The following MYO1D variants were observed in gnomAD, a reference collection of about 807,000 sequenced individuals.
MYO1D encodes the protein unconventional myosin-Id.
A neutral mutation model predicts 122.0 loss-of-function variants in MYO1D; 83 were observed. The ratio of observed to expected loss-of-function variants is 0.68; its 90% CI spans 0.57 to 0.82. The LOEUF is 0.82. Among genes scored for constraint, MYO1D ranks in the 40% least tolerant of loss-of-function variants. MYO1D has a pLI of 0.00. For synonymous variants in MYO1D, 464 were observed against 446.9 expected, an observed-to-expected ratio of 1.04 and a Z score of -0.48; for missense variants, 1,157 against 1,269.5, an observed-to-expected ratio of 0.91 and a Z score of 1.35.
At chr17:32,605,381 G>A in intron 20 of MYO1D, 140 bp from the exon 21 acceptor site, 1 of 683,382 alleles carries the variant, frequency 1.5e-6, no homozygotes, top group South Asian at 3.9e-5. Context: ...GATCATTTGA[G>A]CCCTGGAGTT....
intron 1 of MYO1D, among the ~76,000 whole-genome samples, chr17:32,821,514 G>C (rs2090664031): frequency 6.7e-6 from 1 of 149,974 alleles, no homozygotes; most frequent in Non-Finnish European, 1.5e-5. Context: ...GCCAACCTTT[G>C]TCAGCTGAAG....
intron 1 of MYO1D, among the ~76,000 whole-genome samples, chr17:32,834,882 C>T (rs1266181735): frequency 2.6e-5 from 4 of 152,060 alleles, no homozygotes; most frequent in Non-Finnish European, 4.4e-5. Flanking sequence ...CATGGTGGTG[C>T]GCCCCTGTAG....
intron 3 of MYO1D, 99 bp from the exon 4 acceptor site, chr17:32,776,128 A>C: frequency 9.8e-7 from 1 of 1,024,882 alleles, no homozygotes; most frequent in Non-Finnish European, 1.4e-6. Flanking sequence ...ATTTATACAA[A>C]GATGCTAACT....
intron 19 of MYO1D, among the ~76,000 whole-genome samples, chr17:32,646,711 G>A (rs955854278): frequency 2.0e-5 from 3 of 152,012 alleles, no homozygotes; most frequent in East Asian, 1.9e-4. Context: ...AAAATATTAC[G>A]TTTTTATATG....
intron 21 of MYO1D, among the ~76,000 whole-genome samples, chr17:32,571,755 C>A (rs1288653905): frequency 6.6e-6 from 1 of 152,182 alleles, no homozygotes; most frequent in African/African-American, 2.4e-5. Flanking sequence ...TTCCTTTTCA[C>A]ATCCAGAAAA....
At chr17:32,593,224 T>C (rs1054121483) in intron 21 of MYO1D, among the ~76,000 whole-genome samples, 1 of 152,230 alleles carries the variant, frequency 6.6e-6, no homozygotes, top group Non-Finnish European at 1.5e-5. Context: ...AAAGGAGATA[T>C]AGAGTTATTT....
At chr17:32,828,230 C>G (rs904357698) in intron 1 of MYO1D, among the ~76,000 whole-genome samples, 9 of 152,052 alleles carry the variant, frequency 5.9e-5, no homozygotes, top group African/African-American at 2.2e-4. Flanking sequence ...AGAAAGAAGA[C>G]AGGAGGCCGG....
At chr17:32,768,387 A>AG in intron 6 of MYO1D, among the ~76,000 whole-genome samples, 1 of 152,248 alleles carries the variant, frequency 6.6e-6, no homozygotes, top group East Asian at 1.9e-4. Flanking sequence ...CTGCCCTTTT[A>AG]GAGCTGTGGC....
intron 1 of MYO1D, among the ~76,000 whole-genome samples, chr17:32,807,674 T>C (rs2090528933): frequency 6.6e-6 from 1 of 152,174 alleles, no homozygotes; most frequent in Non-Finnish European, 1.5e-5. Flanking sequence ...GGTGTGCACA[T>C]GCTTTGGTGA....
At chr17:32,823,846 T>A (rs2090696961) in intron 1 of MYO1D, among the ~76,000 whole-genome samples, 1 of 151,934 alleles carries the variant, frequency 6.6e-6, no homozygotes, top group South Asian at 2.1e-4. Context: ...GGCGGGTGGA[T>A]CAAGAGGTCA....
intron 21 of MYO1D, among the ~76,000 whole-genome samples, chr17:32,582,877 A>G (rs567354020): frequency 2.0e-3 from 311 of 152,254 alleles, no homozygotes; most frequent in Non-Finnish European, 2.5e-3. Context: ...ATTCACCCAC[A>G]TTACTTTTAC....
rs766725022 is a variant in MYO1D at position 32,760,274 on chromosome 17, A to G, written c.1296+16T>C. 5.1e-6 allele frequency: 8 copies of G among 1,574,362 alleles called. No individual in the cohort carries two copies. The highest frequency in any genetic ancestry group is 3.4e-5 in the South Asian group (3 of 88,810). ...TGAGAAACACATGAAGGCATTTTCC[A>G]TAAGAGTCCACTCACATGTTTCCAG... On this transcript the variant is annotated intron_variant, in intron 10 of 21. Transcript: ENST00000318217.
At chr17:32,791,248 C>T (rs1276870056) in intron 1 of MYO1D, among the ~76,000 whole-genome samples, 1 of 151,384 alleles carries the variant, frequency 6.6e-6, no homozygotes, top group Non-Finnish European at 1.5e-5. Context: ...CCTGTAATCT[C>T]AGCTACTCGG....
chr17:32,605,916 A>G (rs2087621429), intron 20 of MYO1D, among the ~76,000 whole-genome samples: 2 of 151,484 alleles, frequency 1.3e-5, no homozygotes, highest in Admixed American at 1.3e-4. Flanking sequence ...CCCCATCTCT[A>G]CTGAAATACA....
chr17:32,699,435 G>A (rs1411826216), intron 16 of MYO1D, among the ~76,000 whole-genome samples: 3 of 152,196 alleles, frequency 2.0e-5, no homozygotes, highest in Non-Finnish European at 4.4e-5. Context: ...TGTTGATGCT[G>A]CCCTTTGATA....
chr17:32,865,761 T>C lies in MYO1D; in HGVS notation c.95+11017A>G, dbSNP rs149276306. ...TGGGATAATTGTAACTAGTCCCATG[T>C]GGGCAGCTGTGCCTGGAATACAAAC... On this transcript the variant is annotated intron_variant, in intron 1 of 21. Transcript: ENST00000318217. Among the ~76,000 whole-genome samples, 374 of 152,332 alleles carry C rather than the reference T, an allele frequency of 2.5e-3. 3 individuals carry two copies. The highest frequency in any genetic ancestry group is 8.7e-3 in the African/African-American group (360 of 41,574).
chr17:32,646,450 AAT>A (rs376458821), intron 19 of MYO1D, among the ~76,000 whole-genome samples: 5 of 150,900 alleles, frequency 3.3e-5, no homozygotes, highest in Non-Finnish European at 1.5e-5. Context: ...TCTCTGTAAA[AAT>A]ATATATATAT....
At chr17:32,516,062 C>A (rs990306709) in intron 21 of MYO1D, among the ~76,000 whole-genome samples, 4 of 152,210 alleles carry the variant, frequency 2.6e-5, no homozygotes, top group Non-Finnish European at 5.9e-5. Flanking sequence ...TTCCTAGCAG[C>A]TTTGCTTTTT....
intron 21 of MYO1D, among the ~76,000 whole-genome samples, chr17:32,589,193 G>A (rs1307005374): frequency 6.6e-6 from 1 of 152,188 alleles, no homozygotes; most frequent in Non-Finnish European, 1.5e-5. Flanking sequence ...GGCCGGCCTC[G>A]TGGGGAGGCA....
Sources: gnomAD v4.1 joint callset for allele counts (sites outside exome capture counted in the v4.1 genomes callset) on GRCh38, gnomAD v4.1.1 for gene constraint, MANE v1.5 for transcripts, NCBI Gene and HGNC (gene_info 2026-07-23, HGNC 2026-07-21) for gene names.